Variants in DNAI3 observed in about 807,000 individuals in gnomAD.
DNAI3 encodes dynein axonemal intermediate chain 3.
A neutral mutation model predicts 115.5 loss-of-function variants in DNAI3; 83 were observed. The observed-to-expected ratio is 0.72, with a 90% CI of 0.60 to 0.86. DNAI3 has a LOEUF of 0.86. DNAI3 is among the 40% of genes least tolerant of loss of function. The pLI is 0.00. For missense variants in DNAI3, 1,004 were observed against 1,075.8 expected (o/e 0.93, Z 0.93); for synonymous variants, 320 against 347.0 (o/e 0.92, Z 0.86).
At chr1:85,120,391 T>C (rs1034395624) in intron 17 of DNAI3, among the ~76,000 whole-genome samples, 2 of 152,182 alleles carry the variant, frequency 1.3e-5, no homozygotes, top group Non-Finnish European at 2.9e-5. Context: ...GGGCCAAGAA[T>C]GTCAACACAG....
In DNAI3 at chr1:85,085,863, A is replaced by C. The variant is rs1388143370; in HGVS notation, c.573A>C (p.Glu191Asp). Residue 191 changes from glutamate (E) to aspartate (D), a missense_variant, in exon 7 of 23, where the codon GAA becomes GAC. Transcript: ENST00000294664. ...ATATGATTTCTCGAAAACGAAGTGAATTTGGTGCACCAATTAAGTTCAGTG... is the reference window on the plus strand; with the variant it reads ...ATATGATTTCTCGAAAACGAAGTGACTTTGGTGCACCAATTAAGTTCAGTG... ...ITYMISRKRSEFGAPIKFSDQ... is the reference protein window; with the variant it reads ...ITYMISRKRSDFGAPIKFSDQ... 6.2e-7 allele frequency: 1 copy of C among 1,614,174 alleles called. No homozygotes were observed.
intron 7 of DNAI3, among the ~76,000 whole-genome samples, chr1:85,086,412 T>C (rs7547345): frequency 0.6 from 90,562 of 151,924 alleles, 26,999 homozygotes; most frequent in Non-Finnish European, 0.6. Flanking sequence ...GGTTTCTTCT[T>C]TGGCTTTCAT....
chr1:85,070,443 A>G (rs983971958), intron 1 of DNAI3, among the ~76,000 whole-genome samples: 5 of 152,010 alleles, frequency 3.3e-5, no homozygotes, highest in Non-Finnish European at 7.4e-5. Flanking sequence ...ACCACTGCCT[A>G]TTGCGCTCTG....
chr1:85,069,274 CTG>C (rs1025843581), intron 1 of DNAI3, among the ~76,000 whole-genome samples: 4 of 152,194 alleles, frequency 2.6e-5, no homozygotes, highest in African/African-American at 7.2e-5. Context: ...TCCCAGATAT[CTG>C]TGTTTCTTGC....
At chr1:85,068,994 T>C (rs1332924326) in intron 1 of DNAI3, among the ~76,000 whole-genome samples, 4 of 152,222 alleles carry the variant, frequency 2.6e-5, no homozygotes, top group Non-Finnish European at 2.9e-5. Context: ...ATAAGAAGAC[T>C]TGCAGCAGCT....
At position 85,070,413 on chromosome 1, in the gene DNAI3, G is replaced by A. The variant is rs148901528; in HGVS notation, c.-14-1515G>A. Among the ~76,000 whole-genome samples the A allele has an allele frequency of 2.1e-4, 32 of 152,262 alleles. No individual in the cohort carries two copies. The East Asian group carries it at 6.0e-3, about 28-fold the overall frequency. On this transcript the variant is annotated intron_variant, in intron 1 of 22. Transcript: ENST00000294664. The stretch of plus-strand genomic sequence containing the variant: ...AGAATGTGGCTATTGGAGCCAGGCT[G>A]CTTGGGCTCACAGCCTGACACCACT...
intron 18 of DNAI3, among the ~76,000 whole-genome samples, chr1:85,122,295 C>T (rs1656013756): frequency 6.6e-6 from 1 of 152,152 alleles, no homozygotes. Context: ...GCAGGACCCT[C>T]CTTTGGGGCT....
At chr1:85,123,572 T>G (rs1182781655) in intron 18 of DNAI3, among the ~76,000 whole-genome samples, 2 of 152,230 alleles carry the variant, frequency 1.3e-5, no homozygotes, top group African/African-American at 4.8e-5. Context: ...TGAGCTGCTA[T>G]TCAGGCCTAC....
rs531055292 is a variant in DNAI3 at position 85,110,252 on chromosome 1, T to C, written c.1786+117T>C. ...GGATCACGAGGTCAGCAGATCGAGA[T>C]CATCCTGGCTAACACGGTGAAACCC... On this transcript the variant is annotated intron_variant, in intron 16 of 22. Coordinates refer to ENST00000294664, the MANE Select transcript of DNAI3 (RefSeq NM_145172.5). The C allele has an allele frequency of 2.1e-3, 1,720 of 807,892 alleles. 18 individuals carry two copies. In the African/African-American group the frequency reaches 0.022, roughly 11 times the overall value. The allele number at this position is 807,892 out of a possible 1,614,324, so 50.0% of individuals were successfully genotyped here.
intron 3 of DNAI3, among the ~76,000 whole-genome samples, chr1:85,079,193 G>A (rs773448931): frequency 2.0e-5 from 3 of 152,164 alleles, no homozygotes; most frequent in Non-Finnish European, 1.5e-5. Context: ...AGGAGTACTT[G>A]ATTCGAATCA....
chr1:85,108,909 C>A (rs959457706), intron 15 of DNAI3, among the ~76,000 whole-genome samples: 11 of 152,298 alleles, frequency 7.2e-5, no homozygotes, highest in African/African-American at 2.2e-4. Flanking sequence ...TATCCAATAG[C>A]ATGTCAGTTG....
Position 85,118,185 on chromosome 1 carries a change from T to C in DNAI3, c.1917+326T>C, listed in dbSNP as rs758192949. 6.8e-4 allele frequency among the ~76,000 whole-genome samples: 104 copies of C among 152,340 alleles called. 1 individual carries two copies. The highest frequency in any genetic ancestry group is 3.4e-3 in the Middle Eastern group (1 of 294). On this transcript the variant is annotated intron_variant, in intron 17 of 22. Transcript: ENST00000294664. ...TTAGAGATTTACTAAGAAACTATAGTGTTTTGTTGGGCTAACACAATCTAG... is the reference window on the plus strand; with the variant it reads ...TTAGAGATTTACTAAGAAACTATAGCGTTTTGTTGGGCTAACACAATCTAG...
At chr1:85,119,712 T>A (rs557423049) in intron 17 of DNAI3, among the ~76,000 whole-genome samples, 132 of 152,218 alleles carry the variant, frequency 8.7e-4, no homozygotes, top group African/African-American at 3.1e-3. Flanking sequence ...TTTCTTTTTT[T>A]TTTGAGATGG....
At chr1:85,081,523 G>T in intron 4 of DNAI3, 108 bp downstream of exon 4, 1 of 1,080,316 alleles carries the variant, frequency 9.3e-7, no homozygotes, top group Non-Finnish European at 1.3e-6. Flanking sequence ...CATTGCTTTG[G>T]GCAAGTGCTA....
chr1:85,072,966 A>AG, intron 2 of DNAI3, 88 bp from the exon 3 acceptor site: 1 of 811,412 alleles, frequency 1.2e-6, no homozygotes, highest in Non-Finnish European at 1.8e-6. Context: ...AAAAAAAAAA[A>AG]AAAAAAAAGA....
In DNAI3 at chr1:85,126,645, C is replaced by T. The variant is rs1656151226; in HGVS notation, c.2247C>T (p.Thr749=). 3.1e-6 allele frequency: 5 copies of T among 1,613,970 alleles called. No individual in the cohort carries two copies. The highest frequency in any genetic ancestry group is 1.3e-5 in the African/African-American group (1 of 74,884). The change falls in exon 20 of 23, where the codon ACC becomes ACT. Residue 749 remains threonine (T), a synonymous_variant. Transcript: ENST00000294664. ...ATATCTGGGACCTTCTGGAGAAAAC[C>T]CATGAACCAGCCCAGTCTCAAAACA... is the stretch of plus-strand genomic sequence containing the variant. The part of the protein sequence containing the change: ...YIDIWDLLEK[T]HEPAQSQNIC...
intron 18 of DNAI3, 40 bp from the exon 19 acceptor site, chr1:85,124,081 G>A (rs1656061446): frequency 3.7e-6 from 6 of 1,612,334 alleles, no homozygotes; most frequent in Non-Finnish European, 1.7e-6. Flanking sequence ...AATGCAAACA[G>A]TGTTATTAAA....
Position 85,117,722 on chromosome 1 carries a change from C to T in DNAI3, c.1787-7C>T. The T allele has an allele frequency of 6.2e-7, 1 of 1,612,788 alleles. No homozygotes were observed. The highest frequency in any genetic ancestry group is 8.5e-7 in the Non-Finnish European group (1 of 1,179,060). On this transcript the variant is annotated splice_region_variant and splice_polypyrimidine_tract_variant and intron_variant, in intron 16 of 22. Coordinates refer to ENST00000294664, the MANE Select transcript of DNAI3 (RefSeq NM_145172.5). ...ATGTACTTCTTCTACCCACACTCCTCTGAAAGACAAAATGTTAGCACAGAG... is the reference window on the plus strand; with the variant it reads ...ATGTACTTCTTCTACCCACACTCCTTTGAAAGACAAAATGTTAGCACAGAG...
intron 17 of DNAI3, 96 bp from the exon 18 acceptor site, chr1:85,121,644 GTTGTTTTGCAT>G: frequency 1.0e-6 from 1 of 1,002,030 alleles, no homozygotes; most frequent in Non-Finnish European, 1.5e-6. Flanking sequence ...AAATTGACTT[GTTGTTTTGCAT>G]TTGTTTTGCT....
Sources: gnomAD v4.1 joint callset for allele counts (sites outside exome capture counted in the v4.1 genomes callset) on GRCh38, gnomAD v4.1.1 for gene constraint, MANE v1.5 for transcripts, NCBI Gene and HGNC (gene_info 2026-07-23, HGNC 2026-07-21) for gene names.